DNER: variants seen among roughly 807,000 people sequenced by gnomAD.
The protein encoded by DNER is delta and Notch-like epidermal growth factor-related receptor.
In DNER, 33 loss-of-function variants were observed where a neutral mutation model predicts 78.2. The ratio of observed to expected loss-of-function variants is 0.42; its 90% CI spans 0.32 to 0.56. DNER has a LOEUF of 0.56. Ranked by LOEUF, DNER falls within the 20% of genes least tolerant of loss-of-function variation. The pLI, the probability that DNER is intolerant of heterozygous loss-of-function variation, is 0.11. For synonymous variants in DNER, 417 were observed against 384.8 expected, an observed-to-expected ratio of 1.08 and a Z score of -0.98; for missense variants, 918 against 975.3, an observed-to-expected ratio of 0.94 and a Z score of 0.78.
chr2:229,709,449 G>C (rs377524541), intron 1 of DNER, among the ~76,000 whole-genome samples: 1 of 152,080 alleles, frequency 6.6e-6, no homozygotes, highest in South Asian at 2.1e-4. Flanking sequence ...TCAACATTTT[G>C]TACATACTAC....
At chr2:229,463,793 AGAAG>A (rs1694749359) in intron 7 of DNER, among the ~76,000 whole-genome samples, 3 of 152,210 alleles carry the variant, frequency 2.0e-5, no homozygotes, top group African/African-American at 7.2e-5. Context: ...GAAAGCAAGG[AGAAG>A]GAAGAATCCT....
intron 1 of DNER, among the ~76,000 whole-genome samples, chr2:229,596,169 A>C (rs1697710817): frequency 6.6e-6 from 1 of 152,204 alleles, no homozygotes; most frequent in South Asian, 2.1e-4. Context: ...CTGGATAAAC[A>C]TTTACTAAAT....
At chr2:229,384,436 C>T (rs1692816562) in intron 11 of DNER, among the ~76,000 whole-genome samples, 1 of 151,928 alleles carries the variant, frequency 6.6e-6, no homozygotes, top group East Asian at 1.9e-4. Flanking sequence ...GAGAGAGAGA[C>T]AAGAAAAACC....
chr2:229,658,566 A>G (rs1698950963), intron 1 of DNER, among the ~76,000 whole-genome samples: 1 of 152,246 alleles, frequency 6.6e-6, no homozygotes, highest in African/African-American at 2.4e-5. Context: ...TCATTCATTC[A>G]GTAAGACTTT....
At chr2:229,616,795 C>A (rs1296585741) in intron 1 of DNER, among the ~76,000 whole-genome samples, 1 of 152,204 alleles carries the variant, frequency 6.6e-6, no homozygotes, top group Non-Finnish European at 1.5e-5. Flanking sequence ...GGGCAAAAGG[C>A]TCACATAGGC....
At chr2:229,473,199 A>G (rs1370816720) in intron 7 of DNER, among the ~76,000 whole-genome samples, 2 of 152,218 alleles carry the variant, frequency 1.3e-5, no homozygotes, top group African/African-American at 4.8e-5. Flanking sequence ...GTATAAAAGG[A>G]TTTGACTTGC....
chr2:229,679,226 A>G (rs1699348256), intron 1 of DNER, among the ~76,000 whole-genome samples: 1 of 152,200 alleles, frequency 6.6e-6, no homozygotes, highest in African/African-American at 2.4e-5. Context: ...AGATAAAATA[A>G]TTACTATAGT....
chr2:229,540,890 G>GA lies in DNER; in HGVS notation c.993+6056dup, dbSNP rs1696499571. Among the ~76,000 whole-genome samples the GA allele has an allele frequency of 2.0e-5, 3 of 152,340 alleles. No homozygotes were observed. In the South Asian group the frequency reaches 6.2e-4, roughly 32 times the overall value. ...TAAGGATGGTGGGTTCCTAAGGCAA[G>GA]AGACAGTGAGGTTTCTAGGGAGTCT... On this transcript the variant is annotated intron_variant, in intron 5 of 12. Coordinates refer to ENST00000341772, the MANE Select transcript of DNER (RefSeq NM_139072.4).
At chr2:229,687,099 A>T (rs1157344562) in intron 1 of DNER, among the ~76,000 whole-genome samples, 1 of 152,076 alleles carries the variant, frequency 6.6e-6, no homozygotes, top group Non-Finnish European at 1.5e-5. Context: ...TAGATGCAAG[A>T]TTGTCTTTAA....
intron 5 of DNER, among the ~76,000 whole-genome samples, chr2:229,523,624 C>T (rs1403407536): frequency 1.3e-5 from 2 of 152,228 alleles, no homozygotes; most frequent in Admixed American, 6.5e-5. Context: ...CAGGTTATGA[C>T]TTCAACATAC....
At chr2:229,420,505 G>T (rs1693742316) in intron 8 of DNER, among the ~76,000 whole-genome samples, 1 of 152,154 alleles carries the variant, frequency 6.6e-6, no homozygotes, top group Non-Finnish European at 1.5e-5. Flanking sequence ...TAAGGCCAAT[G>T]TTATGAAGTT....
At chr2:229,596,899 G>A (rs1182510249) in intron 1 of DNER, among the ~76,000 whole-genome samples, 1 of 147,056 alleles carries the variant, frequency 6.8e-6, no homozygotes, top group Non-Finnish European at 1.5e-5. Flanking sequence ...AGTGGATAAT[G>A]TGATGGAGTG....
chr2:229,432,585 C>T (rs1190459790), intron 8 of DNER, among the ~76,000 whole-genome samples: 1 of 152,146 alleles, frequency 6.6e-6, no homozygotes, highest in Non-Finnish European at 1.5e-5. Context: ...CTCTTAGTTA[C>T]TAATAGACAT....
chr2:229,622,626 T>G (rs182704107), intron 1 of DNER, among the ~76,000 whole-genome samples: 29 of 152,254 alleles, frequency 1.9e-4, no homozygotes, highest in African/African-American at 6.3e-4. Context: ...TACCTCAGAA[T>G]GTGGATTTTT....
At chr2:229,499,444 CAA>C (rs777417272) in intron 6 of DNER, among the ~76,000 whole-genome samples, 25 of 74,766 alleles carry the variant, frequency 3.3e-4, no homozygotes, top group East Asian at 4.2e-4. Context: ...GACTCCAACT[CAA>C]AAAAAAAAAA....
chr2:229,572,400 C>T (rs1697232814), intron 4 of DNER, among the ~76,000 whole-genome samples: 1 of 152,190 alleles, frequency 6.6e-6, no homozygotes, highest in Non-Finnish European at 1.5e-5. Flanking sequence ...TAACGTCTAA[C>T]TAGAGTAACA....
intron 7 of DNER, among the ~76,000 whole-genome samples, chr2:229,453,612 C>T (rs1192713831): frequency 6.6e-6 from 1 of 152,074 alleles, no homozygotes; most frequent in Non-Finnish European, 1.5e-5. Context: ...AAGAGGAAAC[C>T]AAGAGCATGT....
chr2:229,694,028 G>C (rs781446877), intron 1 of DNER, among the ~76,000 whole-genome samples: 4 of 152,236 alleles, frequency 2.6e-5, no homozygotes, highest in Non-Finnish European at 2.9e-5. Context: ...ACTCTTTGCA[G>C]CCTTGGGACA....
chr2:229,530,679 C>T (rs1350118671), intron 5 of DNER, among the ~76,000 whole-genome samples: 1 of 152,218 alleles, frequency 6.6e-6, no homozygotes, highest in Non-Finnish European at 1.5e-5. Flanking sequence ...GTTTCTCTAT[C>T]CCTTATTGAC....
Sources: allele counts gnomAD v4.1 joint callset (sites outside exome capture counted in the v4.1 genomes callset), GRCh38; gene constraint gnomAD v4.1.1; transcripts MANE v1.5; gene names NCBI Gene and HGNC (gene_info 2026-07-23, HGNC 2026-07-21).